The following WNT9A variants were observed in gnomAD, a reference collection of about 807,000 sequenced individuals.
WNT9A encodes Wnt family member 9A, also known as protein Wnt-9a.
In WNT9A, 8 loss-of-function variants were observed where a neutral mutation model predicts 31.4. The ratio of observed to expected loss-of-function variants is 0.26; its 90% CI spans 0.15 to 0.46. The LOEUF is 0.46. Ranked by LOEUF, WNT9A falls within the 20% of genes least tolerant of loss-of-function variation. The pLI, the probability that WNT9A is intolerant of heterozygous loss-of-function variation, is 0.99. For missense variants in WNT9A, 457 were observed against 522.9 expected (o/e 0.87, Z 1.23); for synonymous variants, 236 against 220.1 (o/e 1.07, Z -0.64).
At chr1:227,947,477 C>T (rs1666813396) in intron 1 of WNT9A, among the ~76,000 whole-genome samples, 1 of 152,122 alleles carries the variant, frequency 6.6e-6, no homozygotes, top group Non-Finnish European at 1.5e-5. Flanking sequence ...ACACGGCGGC[C>T]CAAGGAAGTC....
At chr1:227,930,445 A>G (rs1349923223) in intron 1 of WNT9A, among the ~76,000 whole-genome samples, 1 of 152,154 alleles carries the variant, frequency 6.6e-6, no homozygotes, top group East Asian at 1.9e-4. Context: ...CTCGCTCCAC[A>G]CTCAGCAAAT....
At chr1:227,939,649 G>A (rs952046416) in intron 1 of WNT9A, among the ~76,000 whole-genome samples, 7 of 152,124 alleles carry the variant, frequency 4.6e-5, no homozygotes, top group South Asian at 4.1e-4. Flanking sequence ...GCCGGACTCC[G>A]ACCTTCCTGC....
chr1:227,932,299 AG>A (rs1283078257), intron 1 of WNT9A, among the ~76,000 whole-genome samples: 1 of 152,236 alleles, frequency 6.6e-6, no homozygotes, highest in Non-Finnish European at 1.5e-5. Context: ...TTTATCCATA[AG>A]AAGCAACTTG....
chr1:227,943,942 C>G (rs1002306338), intron 1 of WNT9A, among the ~76,000 whole-genome samples: 3 of 152,160 alleles, frequency 2.0e-5, no homozygotes, highest in Non-Finnish European at 4.4e-5. Flanking sequence ...CATCACATCG[C>G]TGCACTCTAG....
At chr1:227,943,660 A>G (rs1666749740) in intron 1 of WNT9A, among the ~76,000 whole-genome samples, 1 of 152,162 alleles carries the variant, frequency 6.6e-6, no homozygotes, top group Non-Finnish European at 1.5e-5. Context: ...CTGCATCCAG[A>G]AGGGTTTGGC....
chr1:227,921,366 G>T lies in WNT9A; in HGVS notation c.*152C>A. ...GTCTGAGCCCAGGGACTCAGCCCATGCAGGTGTAGACCCATTCACACTGTG... is the reference window on the plus strand; with the variant it reads ...GTCTGAGCCCAGGGACTCAGCCCATTCAGGTGTAGACCCATTCACACTGTG... On this transcript the variant is annotated 3_prime_UTR_variant, in exon 4 of 4. Coordinates refer to ENST00000272164, the MANE Select transcript of WNT9A (RefSeq NM_003395.4). The T allele has an allele frequency of 1.6e-6, 2 of 1,258,996 alleles. No individual in the cohort carries two copies. The highest frequency in any genetic ancestry group is 1.5e-5 in the South Asian group (1 of 65,530). The allele number at this position is 1,258,996 out of a possible 1,614,324, so 78.0% of individuals were successfully genotyped here. A position where few individuals can be genotyped will look rare whatever the true frequency, so the allele number is the denominator to read the frequency against.
chr1:227,922,963 G>A (rs993953562), intron 3 of WNT9A, among the ~76,000 whole-genome samples: 3 of 152,300 alleles, frequency 2.0e-5, no homozygotes, highest in East Asian at 1.9e-4. Flanking sequence ...TTAAAATGTC[G>A]CTGACCCAGG....
Position 227,928,095 on chromosome 1 carries a change from A to G in WNT9A, c.96-2576T>C, listed in dbSNP as rs1275699039. Among the ~76,000 whole-genome samples, 1 of 152,018 alleles carries G rather than the reference A, an allele frequency of 6.6e-6. No homozygotes were observed. The highest frequency in any genetic ancestry group is 1.5e-5 in the Non-Finnish European group (1 of 67,988). On this transcript the variant is annotated intron_variant, in intron 1 of 3. Coordinates refer to ENST00000272164, the MANE Select transcript of WNT9A (RefSeq NM_003395.4). The surrounding 1 kb of genome is among the most constrained non-coding windows in gnomAD (Gnocchi z 4.5). ...CCCTGTGACCCACCGCCTTGCCCACACTGGTCAGTGTGAGGCCCGAGCACG... is the reference window on the plus strand; with the variant it reads ...CCCTGTGACCCACCGCCTTGCCCACGCTGGTCAGTGTGAGGCCCGAGCACG...
At chr1:227,927,549 C>A (rs1666439458) in intron 1 of WNT9A, among the ~76,000 whole-genome samples, 1 of 152,166 alleles carries the variant, frequency 6.6e-6, no homozygotes, top group African/African-American at 2.4e-5. Context: ...CACCTCCAAG[C>A]CCCAGGGCTA....
In WNT9A at chr1:227,942,273, C is replaced by T. The variant is rs71650371; in HGVS notation, c.95+5520G>A. Among the ~76,000 whole-genome samples the T allele has an allele frequency of 1.3e-5, 2 of 152,176 alleles. No individual in the cohort carries two copies. Among genetic ancestry groups the T allele is most frequent in the Non-Finnish European group, 2.9e-5 (2 of 68,004 alleles). On this transcript the variant is annotated intron_variant, in intron 1 of 3. Coordinates refer to ENST00000272164, the MANE Select transcript of WNT9A (RefSeq NM_003395.4). This position sits in a 1 kb window ranked among gnomAD's most constrained non-coding sequence, Gnocchi z 5.7. ...CTGCTCCGTCCTTACCACACACCCT[C>T]CACACCCTCCAGGGAGCCAGGACCC...
In WNT9A at chr1:227,947,598, T is replaced by C. The variant is rs1293582251; in HGVS notation, c.95+195A>G. ...CGCGGCCCGGCGCAAGCCGGACGGG[T>C]CCACCCGCCTCTCTAGCCGTGCCGC... On this transcript the variant is annotated intron_variant, in intron 1 of 3. Transcript: ENST00000272164. 4.7e-5 allele frequency among the ~76,000 whole-genome samples: 7 copies of C among 148,910 alleles called. No individual in the cohort carries two copies. The East Asian group carries it at 1.4e-3, about 30-fold the overall frequency.
intron 1 of WNT9A, among the ~76,000 whole-genome samples, chr1:227,927,426 T>A (rs1436978212): frequency 2.6e-5 from 4 of 151,574 alleles, no homozygotes; most frequent in Non-Finnish European, 5.9e-5. Flanking sequence ...TGGGCTGAGG[T>A]TGGAAGAGGC....
At chr1:227,930,036 C>T (rs1305073230) in intron 1 of WNT9A, among the ~76,000 whole-genome samples, 1 of 152,200 alleles carries the variant, frequency 6.6e-6, no homozygotes, top group Non-Finnish European at 1.5e-5. Flanking sequence ...AACTAAGATG[C>T]CTGACAATTA....
intron 3 of WNT9A, among the ~76,000 whole-genome samples, chr1:227,922,505 G>A (rs896361522): frequency 3.9e-5 from 6 of 152,314 alleles, no homozygotes; most frequent in South Asian, 2.1e-4. Flanking sequence ...ATGCAGACGC[G>A]ACCCCCAACC....
In WNT9A at chr1:227,918,752, C is replaced by T. The variant is rs965013008; in HGVS notation, c.*2766G>A. 17 of 152,248 alleles carry T rather than the reference C, an allele frequency of 1.1e-4. No homozygotes were observed. The highest frequency in any genetic ancestry group is 3.8e-4 in the East Asian group (2 of 5,198). The allele number at this position is 152,248 out of a possible 1,614,324, so 9.4% of individuals were successfully genotyped here. A position where few individuals can be genotyped will look rare whatever the true frequency, so the allele number is the denominator to read the frequency against. Reference sequence around the variant, plus strand: ...TACATTCTCCACAGTCCCTCTGGGACGGGCCACACAGATGAGGTAGAGAAA... The same window carrying T: ...TACATTCTCCACAGTCCCTCTGGGATGGGCCACACAGATGAGGTAGAGAAA... On this transcript the variant is annotated 3_prime_UTR_variant, in exon 4 of 4. Transcript: ENST00000272164.
rs73106891 is a variant in WNT9A, at chr1:227,926,487, G to A, written c.96-968C>T. On this transcript the variant is annotated intron_variant, in intron 1 of 3. Transcript: ENST00000272164. This position sits in a 1 kb window ranked among gnomAD's most constrained non-coding sequence, Gnocchi z 5.0. ...GCCCTCAACCCCAAACCCTGACCCCGACCCCATGTCACCTGTCTATCCTGG... is the reference window on the plus strand; with the variant it reads ...GCCCTCAACCCCAAACCCTGACCCCAACCCCATGTCACCTGTCTATCCTGG... 5.7e-3 allele frequency among the ~76,000 whole-genome samples: 863 copies of A among 151,884 alleles called. 3 individuals carry two copies. The highest frequency in any genetic ancestry group is 0.02 in the African/African-American group (811 of 41,366).
Position 227,935,192 on chromosome 1 carries a change from C to A in WNT9A, c.96-9673G>T, listed in dbSNP as rs1490897837. On this transcript the variant is annotated intron_variant, in intron 1 of 3. Coordinates refer to ENST00000272164, the MANE Select transcript of WNT9A (RefSeq NM_003395.4). ...CAGAAACTGTGACCCCAGCCACAGC[C>A]TCAGGTTGCCAAGCAGACCCCAGAT... 2.6e-5 allele frequency among the ~76,000 whole-genome samples: 4 copies of A among 151,418 alleles called. No individual in the cohort carries two copies. The South Asian group carries it at 8.4e-4, about 32-fold the overall frequency.
At chr1:227,941,872 T>A (rs1484356612) in intron 1 of WNT9A, among the ~76,000 whole-genome samples, 1 of 152,040 alleles carries the variant, frequency 6.6e-6, no homozygotes, top group Admixed American at 6.5e-5. Context: ...AGGGAGCCCG[T>A]GCCGCAGCTG....
At chr1:227,936,092 G>A (rs1335837249) in intron 1 of WNT9A, among the ~76,000 whole-genome samples, 6 of 152,180 alleles carry the variant, frequency 3.9e-5, no homozygotes, top group Non-Finnish European at 7.3e-5. Context: ...TCCTGAGGTC[G>A]GCACCAGCTT....
Sources: allele counts gnomAD v4.1 joint callset (sites outside exome capture counted in the v4.1 genomes callset), GRCh38; gene constraint gnomAD v4.1.1; non-coding constraint Gnocchi (gnomAD v3.1); transcripts MANE v1.5; gene names NCBI Gene and HGNC (gene_info 2026-07-23, HGNC 2026-07-21).